The following CMAS variants were observed in gnomAD, a reference collection of about 807,000 sequenced individuals.
The protein encoded by CMAS is cytidine monophosphate N-acetylneuraminic acid synthetase.
CMAS carries 21 observed loss-of-function variants against 53.4 expected under a neutral mutation model. The observed-to-expected ratio is 0.39, with a 90% CI of 0.28 to 0.57. The LOEUF is 0.57. Among genes scored for constraint, CMAS ranks in the 20% least tolerant of loss-of-function variants. The pLI is 0.56. For missense variants in CMAS, 384 were observed against 534.9 expected (o/e 0.72, Z 2.78); for synonymous variants, 189 against 195.2 (o/e 0.97, Z 0.27).
chr12:22,057,454 GTATAA>G (rs1469838246), intron 3 of CMAS, among the ~76,000 whole-genome samples: 2 of 152,004 alleles, frequency 1.3e-5, no homozygotes, highest in African/African-American at 4.8e-5. Context: ...TGGTAAGAAT[GTATAA>G]TATGTTACAT....
chr12:22,054,215 C>T (rs972075618), intron 1 of CMAS, among the ~76,000 whole-genome samples: 3 of 152,058 alleles, frequency 2.0e-5, no homozygotes, highest in Non-Finnish European at 2.9e-5. Context: ...GTGTGAGACT[C>T]CAGGCCTGAC....
At position 22,062,367 on chromosome 12, in the gene CMAS, C is replaced by G; in HGVS notation, c.1047C>G (p.Asp349Glu). ...LDCKMEVSVS[D>E]KLAVVDEWRK... Reference sequence around the variant, plus strand: ...GCAAAATGGAAGTCAGTGTATCAGACAAGCTAGCAGTTGTAGATGAATGGA... The same window carrying G: ...GCAAAATGGAAGTCAGTGTATCAGAGAAGCTAGCAGTTGTAGATGAATGGA... Residue 349 changes from aspartate (D) to glutamate (E), a missense_variant, in exon 7 of 8, where the codon GAC (aspartate) becomes GAG (glutamate). Physicochemically the swap from Asp to Glu is conservative, Grantham distance 45 (BLOSUM62 2). This residue lies in a region of CMAS where 134 missense variants were observed against 154.6 expected (regional missense o/e 0.87). Coordinates refer to ENST00000229329, the MANE Select transcript of CMAS (RefSeq NM_018686.6). 6.2e-7 allele frequency: 1 copy of G among 1,612,734 alleles called. No individual in the cohort carries two copies. The highest frequency in any genetic ancestry group is 8.5e-7 in the Non-Finnish European group (1 of 1,179,626).
chr12:22,060,625 G>GC, intron 4 of CMAS: 1 of 425,590 alleles, frequency 2.3e-6, no homozygotes, highest in Admixed American at 3.5e-5. Context: ...TTGCACTCCA[G>GC]CCTGGGAGGC....
chr12:22,046,247 G>A lies in CMAS; in HGVS notation c.-57G>A. ...GGGGATCGGGCGGCGCCGAGCTGAG[G>A]TGGTGAGGGACTAGCTCCCGGATGT... On this transcript the variant is annotated 5_prime_UTR_variant, in exon 1 of 8. In the 5' UTR this introduces an upstream ATG that the reference lacks. Transcript: ENST00000229329. 5.8e-6 allele frequency: 8 copies of A among 1,388,842 alleles called. No individual in the cohort carries two copies. Among genetic ancestry groups the A allele is most frequent in the Non-Finnish European group, 7.5e-6 (8 of 1,067,918 alleles). The allele number at this position is 1,388,842 out of a possible 1,614,324, so 86.0% of individuals were successfully genotyped here. A position where few individuals can be genotyped will look rare whatever the true frequency, so the allele number is the denominator to read the frequency against.
intron 7 of CMAS, among the ~76,000 whole-genome samples, chr12:22,063,416 A>G (rs2418036): frequency 0.21 from 31,477 of 152,094 alleles, 3,462 homozygotes; most frequent in Middle Eastern, 0.32. Context: ...ACAAATTCCA[A>G]CTATACTTAT....
intron 3 of CMAS, 58 bp downstream of exon 3, chr12:22,055,668 T>A: frequency 6.8e-7 from 1 of 1,467,190 alleles, no homozygotes. Flanking sequence ...TTTTTTTGTA[T>A]ATAAATATCC....
intron 7 of CMAS, 90 bp downstream of exon 7, chr12:22,062,524 A>G: frequency 7.8e-7 from 1 of 1,284,710 alleles, no homozygotes; most frequent in Non-Finnish European, 1.1e-6. Context: ...CATCCTCCAA[A>G]TGGGTATGAT....
intron 7 of CMAS, among the ~76,000 whole-genome samples, chr12:22,063,304 C>T (rs1033526383): frequency 6.6e-6 from 1 of 152,160 alleles, no homozygotes; most frequent in Non-Finnish European, 1.5e-5. Flanking sequence ...TCAGGAATAA[C>T]CCTTAAACCA....
chr12:22,061,875 T>TAA (rs1950310209), intron 6 of CMAS, among the ~76,000 whole-genome samples: 1 of 152,170 alleles, frequency 6.6e-6, no homozygotes, highest in Non-Finnish European at 1.5e-5. Flanking sequence ...GAAAGCTAGC[T>TAA]AAGATAATTA....
intron 1 of CMAS, among the ~76,000 whole-genome samples, chr12:22,048,923 C>A (rs1950222938): frequency 1.3e-5 from 2 of 152,180 alleles, no homozygotes; most frequent in Admixed American, 6.5e-5. Flanking sequence ...CAGTGCCTTT[C>A]CCTTAGCACA....
intron 4 of CMAS, 72 bp downstream of exon 4, chr12:22,058,772 A>T (rs1950286494): frequency 6.6e-7 from 1 of 1,517,114 alleles, no homozygotes; most frequent in South Asian, 1.3e-5. Flanking sequence ...GGGAAGAAGT[A>T]TGGTACAATT....
At chr12:22,058,435 AAAG>A in intron 3 of CMAS, 129 bp from the exon 4 acceptor site, 1 of 814,566 alleles carries the variant, frequency 1.2e-6, no homozygotes, top group Non-Finnish European at 1.9e-6. Context: ...AAAAAAAAAA[AAAG>A]AAAAGTTCTT....
chr12:22,053,646 G>A (rs1032007884), intron 1 of CMAS, among the ~76,000 whole-genome samples: 3 of 150,848 alleles, frequency 2.0e-5, no homozygotes, highest in Non-Finnish European at 3.0e-5. Flanking sequence ...TTGGGAGGCC[G>A]AGACGGGCGG....
chr12:22,065,024 A>G (rs1305061850), intron 7 of CMAS, 97 bp from the exon 8 acceptor site: 2 of 899,514 alleles, frequency 2.2e-6, no homozygotes, highest in Admixed American at 2.3e-5. Flanking sequence ...GTCTTACTGA[A>G]GTTGCCAGAG....
At chr12:22,053,205 C>T (rs368439632) in intron 1 of CMAS, among the ~76,000 whole-genome samples, 7 of 151,850 alleles carry the variant, frequency 4.6e-5, no homozygotes, top group African/African-American at 1.5e-4. Context: ...GCATGAGAAT[C>T]GCTTGAACCT....
intron 1 of CMAS, among the ~76,000 whole-genome samples, chr12:22,054,498 T>G (rs1950255697): frequency 6.6e-6 from 1 of 152,204 alleles, no homozygotes. Context: ...ATATACCCAT[T>G]GTTTGTTGTT....
At chr12:22,057,166 T>G (rs1245387260) in intron 3 of CMAS, among the ~76,000 whole-genome samples, 1 of 151,868 alleles carries the variant, frequency 6.6e-6, no homozygotes, top group Non-Finnish European at 1.5e-5. Flanking sequence ...CCTAGAAGCC[T>G]GTATAAACAC....
chr12:22,049,761 C>T (rs773870462), intron 1 of CMAS, among the ~76,000 whole-genome samples: 1 of 152,032 alleles, frequency 6.6e-6, no homozygotes, highest in Non-Finnish European at 1.5e-5. Context: ...AAAAATTAGC[C>T]AGTTGTGGTG....
At chr12:22,058,433 AAAAAG>A (rs1198919511) in intron 3 of CMAS, 129 bp from the exon 4 acceptor site, 9 of 808,656 alleles carry the variant, frequency 1.1e-5, no homozygotes, top group Non-Finnish European at 1.7e-5. Flanking sequence ...TCAAAAAAAA[AAAAAG>A]AAAAGTTCTT....
Sources: allele counts gnomAD v4.1 joint callset (sites outside exome capture counted in the v4.1 genomes callset), GRCh38; gene constraint gnomAD v4.1.1; regional missense constraint gnomAD v4.1.1; transcripts MANE v1.5; gene names NCBI Gene and HGNC (gene_info 2026-07-23, HGNC 2026-07-21).